The following AUTS2 variants were observed in gnomAD, a reference collection of about 807,000 sequenced individuals.
AUTS2 encodes the protein activator of transcription and developmental regulator AUTS2.
AUTS2 carries 17 observed loss-of-function variants against 112.4 expected under a neutral mutation model. That is an observed-to-expected ratio of 0.15 (90% CI 0.10 to 0.23). AUTS2 has a LOEUF of 0.23. Among genes scored for constraint, AUTS2 ranks in the 10% least tolerant of loss-of-function variants. AUTS2 has a pLI of 1.00. For missense variants in AUTS2, 1,510 were observed against 1,701.6 expected (o/e 0.89, Z 1.98); for synonymous variants, 751 against 702.7 (o/e 1.07, Z -1.09).
intron 5 of AUTS2, among the ~76,000 whole-genome samples, chr7:70,577,289 T>A (rs1406301826): frequency 6.6e-6 from 1 of 152,214 alleles, no homozygotes; most frequent in Non-Finnish European, 1.5e-5. Context: ...GCCAGCTTCC[T>A]GGCCCATCTG....
intron 4 of AUTS2, among the ~76,000 whole-genome samples, chr7:70,321,473 G>A (rs1790250712): frequency 6.6e-6 from 1 of 152,060 alleles, no homozygotes; most frequent in African/African-American, 2.4e-5. Context: ...AGAAAGTAAG[G>A]AAGCATATGC....
intron 2 of AUTS2, among the ~76,000 whole-genome samples, chr7:70,098,509 T>C (rs1160702725): frequency 6.6e-6 from 1 of 152,046 alleles, no homozygotes; most frequent in East Asian, 1.9e-4. Flanking sequence ...AGCAGAGCCA[T>C]GCAGCTGTTG....
At chr7:69,909,183 T>A (rs560582181) in intron 2 of AUTS2, among the ~76,000 whole-genome samples, 30 of 152,392 alleles carry the variant, frequency 2.0e-4, no homozygotes, top group African/African-American at 7.2e-4. Context: ...TCTGTACATT[T>A]ACTAATTGAG....
intron 5 of AUTS2, among the ~76,000 whole-genome samples, chr7:70,693,906 C>A (rs1426250734): frequency 6.6e-6 from 1 of 152,044 alleles, no homozygotes; most frequent in Admixed American, 6.5e-5. Context: ...GTCGATGTCG[C>A]GCCTGGGGAC....
intron 2 of AUTS2, among the ~76,000 whole-genome samples, chr7:70,073,374 G>T (rs1802878049): frequency 6.6e-6 from 1 of 152,038 alleles, no homozygotes; most frequent in East Asian, 2.0e-4. Flanking sequence ...AGCTGGGCAT[G>T]ATGGCGCACA....
In AUTS2 at chr7:70,016,597, C is replaced by T. The variant is rs181765999; in HGVS notation, c.523-101535C>T. 9.9e-5 allele frequency among the ~76,000 whole-genome samples: 15 copies of T among 152,064 alleles called. No homozygotes were observed. In the East Asian group the frequency reaches 2.9e-3, roughly 29 times the overall value. The stretch of plus-strand genomic sequence containing the variant: ...TCACTTGCTCTTATCACACAGTTCA[C>T]TCCTTTCTGCTCATACATTGTGTAG... On this transcript the variant is annotated intron_variant, in intron 2 of 18. Transcript: ENST00000342771.
chr7:70,441,035 A>G (rs1400339123), intron 5 of AUTS2, among the ~76,000 whole-genome samples: 1 of 152,216 alleles, frequency 6.6e-6, no homozygotes, highest in South Asian at 2.1e-4. Flanking sequence ...CTTAGGAGAA[A>G]AACTTGAAAG....
At chr7:69,796,778 A>G (rs1206996207) in intron 1 of AUTS2, among the ~76,000 whole-genome samples, 1 of 152,210 alleles carries the variant, frequency 6.6e-6, no homozygotes, top group Non-Finnish European at 1.5e-5. Flanking sequence ...GCCTAGCAGA[A>G]CTGTTTTTTT....
chr7:70,775,947 A>G (rs1011994336), intron 13 of AUTS2, among the ~76,000 whole-genome samples: 1 of 152,232 alleles, frequency 6.6e-6, no homozygotes, highest in East Asian at 1.9e-4. Context: ...TAAGACAGAC[A>G]TGATGAATTG....
At chr7:70,340,609 C>T (rs1189198361) in intron 4 of AUTS2, among the ~76,000 whole-genome samples, 1 of 152,194 alleles carries the variant, frequency 6.6e-6, no homozygotes, top group African/African-American at 2.4e-5. Flanking sequence ...GTTCAGTTCT[C>T]ATTTTTGATC....
At chr7:70,386,288 G>A (rs879433033) in intron 4 of AUTS2, among the ~76,000 whole-genome samples, 9 of 152,178 alleles carry the variant, frequency 5.9e-5, no homozygotes, top group Non-Finnish European at 1.2e-4. Flanking sequence ...TTTTTGGTAT[G>A]GAAGGGAAAT....
intron 4 of AUTS2, among the ~76,000 whole-genome samples, chr7:70,365,163 A>AT (rs1400670247): frequency 6.6e-6 from 1 of 152,142 alleles, no homozygotes; most frequent in Non-Finnish European, 1.5e-5. Context: ...ATTGGTTCAG[A>AT]TTTTCTCCCC....
chr7:70,476,693 C>A (rs1797597251), intron 5 of AUTS2, among the ~76,000 whole-genome samples: 1 of 152,280 alleles, frequency 6.6e-6, no homozygotes, highest in African/African-American at 2.4e-5. Flanking sequence ...CTGACTTTAC[C>A]ACTTACAAGC....
intron 4 of AUTS2, among the ~76,000 whole-genome samples, chr7:70,359,086 A>G (rs545163267): frequency 6.6e-6 from 1 of 152,366 alleles, no homozygotes; most frequent in South Asian, 2.1e-4. Flanking sequence ...ATGCTCTACT[A>G]TACAGTGAAA....
rs182065546 is a variant in AUTS2, at chr7:70,754,726, G to A, written c.743-8144G>A. Among the ~76,000 whole-genome samples the A allele has an allele frequency of 2.5e-3, 379 of 152,276 alleles. 5 individuals carry two copies. The highest frequency in any genetic ancestry group is 7.5e-3 in the African/African-American group (312 of 41,552). On this transcript the variant is annotated intron_variant, in intron 6 of 18. Transcript: ENST00000342771. ...TGGACAGTAACGAGAGAAGCTAACT[G>A]GAAGATGGAATAATAAAAATAGGAC...
chr7:70,479,920 T>A (rs1005342362), intron 5 of AUTS2, among the ~76,000 whole-genome samples: 3 of 152,220 alleles, frequency 2.0e-5, no homozygotes, highest in African/African-American at 7.2e-5. Context: ...GAGGGTGATA[T>A]AAATAATAAT....
In AUTS2 at chr7:70,466,757, G is replaced by A. The variant is rs114103448; in HGVS notation, c.690+30976G>A. ...TAACAGATTGTGTGCGTGTGTGCAG[G>A]CATGTACAGTTAGTCTTGAAAAGAT... is the stretch of plus-strand genomic sequence containing the variant. On this transcript the variant is annotated intron_variant, in intron 5 of 18. Coordinates refer to ENST00000342771, the MANE Select transcript of AUTS2 (RefSeq NM_015570.4). Among the ~76,000 whole-genome samples, 651 of 152,284 alleles carry A rather than the reference G, an allele frequency of 4.3e-3. 7 individuals carry two copies. Among genetic ancestry groups the A allele is most frequent in the African/African-American group, 0.015 (627 of 41,556 alleles).
chr7:70,655,357 C>T (rs1806714629), intron 5 of AUTS2, among the ~76,000 whole-genome samples: 1 of 152,180 alleles, frequency 6.6e-6, no homozygotes, highest in African/African-American at 2.4e-5. Flanking sequence ...CATTTCTCTC[C>T]CATTACAAGA....
intron 2 of AUTS2, among the ~76,000 whole-genome samples, chr7:69,994,035 C>T (rs543351720): frequency 2.0e-5 from 3 of 152,070 alleles, no homozygotes; most frequent in East Asian, 3.9e-4. Context: ...TATACATGGC[C>T]GTGTGGAGCT....
Sources: gnomAD v4.1 joint callset for allele counts (sites outside exome capture counted in the v4.1 genomes callset) on GRCh38, gnomAD v4.1.1 for gene constraint, MANE v1.5 for transcripts, NCBI Gene and HGNC (gene_info 2026-07-23, HGNC 2026-07-21) for gene names.